TANC1: variants seen among roughly 807,000 people sequenced by gnomAD.
TANC1 encodes tetratricopeptide repeat, ankyrin repeat and coiled-coil containing 1.
Under a neutral mutation model 149.7 loss-of-function variants are expected in TANC1, and 77 were observed. The observed-to-expected ratio is 0.51, with a 90% CI of 0.43 to 0.62. The LOEUF (loss-of-function observed/expected upper bound fraction) is 0.62. TANC1 is among the 20% of genes least tolerant of loss of function. The probability of loss-of-function intolerance (pLI) is 0.00; values close to 1 mark genes in which losing one functional copy is unlikely to be tolerated. For synonymous variants in TANC1, 854 were observed against 925.0 expected, an observed-to-expected ratio of 0.92 and a Z score of 1.39; for missense variants, 1,985 against 2,321.8, an observed-to-expected ratio of 0.85 and a Z score of 2.98.
intron 2 of TANC1, among the ~76,000 whole-genome samples, chr2:159,061,648 T>C (rs1280711828): frequency 6.6e-6 from 1 of 152,216 alleles, no homozygotes; most frequent in Non-Finnish European, 1.5e-5. Flanking sequence ...AAACTTTGGT[T>C]GAATAAATTT....
rs544145015 is a variant in TANC1, at chr2:159,169,311, A to G, written c.1008A>G (p.Leu336=). 3 of 1,613,528 alleles carry G rather than the reference A, an allele frequency of 1.9e-6. No homozygotes were observed. The highest frequency in any genetic ancestry group is 1.7e-5 in the Admixed American group (1 of 60,018). ...TAGACGGGCAGAGAAATGCTCCTCT[A>G]CGGACGTCAATTAGATTACCATGGC... is the stretch of plus-strand genomic sequence containing the variant. ...SYLDGQRNAP[L]RTSIRLPWHN... Residue 336 remains leucine (L), a synonymous_variant, in exon 9 of 27, where the codon CTA becomes CTG. Coordinates refer to ENST00000263635, the MANE Select transcript of TANC1 (RefSeq NM_033394.3).
At chr2:159,169,518 G>A (rs2054958639) in intron 9 of TANC1, 146 bp downstream of exon 9, 1 of 782,824 alleles carries the variant, frequency 1.3e-6, no homozygotes, top group Non-Finnish European at 2.0e-6. Context: ...TGTGAGGTGT[G>A]CTAAGAGGTC....
At chr2:159,062,547 T>C (rs2042306604) in intron 2 of TANC1, among the ~76,000 whole-genome samples, 1 of 152,212 alleles carries the variant, frequency 6.6e-6, no homozygotes, top group African/African-American at 2.4e-5. Flanking sequence ...GCTGGCTGCC[T>C]ACACAGGTGG....
intron 3 of TANC1, among the ~76,000 whole-genome samples, chr2:159,071,055 G>A (rs2043115816): frequency 6.6e-6 from 1 of 152,122 alleles, no homozygotes; most frequent in Admixed American, 6.5e-5. Context: ...AGGTGGTCAA[G>A]GCCTCTTGCT....
Position 159,217,465 on chromosome 2 carries a change from A to T in TANC1, c.3245-32A>T, listed in dbSNP as rs370068360. On this transcript the variant is annotated intron_variant, in intron 19 of 26. Transcript: ENST00000263635. ...GGCTATCTGTGCTCCACCACATGCT[A>T]ACAGATTCCCCTCCATGTGACTTTC... The T allele has an allele frequency of 1.1e-5, 18 of 1,613,552 alleles. No homozygotes were observed. The African/African-American group carries it at 1.9e-4, about 17-fold the overall frequency.
intron 4 of TANC1, among the ~76,000 whole-genome samples, chr2:159,101,519 TTTTTTTTTTCATTGTTAGAAGA>T (rs2046706485): frequency 8.7e-6 from 1 of 114,516 alleles, no homozygotes; most frequent in Non-Finnish European, 1.7e-5. Flanking sequence ...ATTTATTTGG[TTTTTTTTTTCATTGTTAGAAGA>T]TTGTTTTCTG....
chr2:159,207,725 A>AAAAAAAAC (rs1559460731), intron 19 of TANC1, among the ~76,000 whole-genome samples: 3 of 133,974 alleles, frequency 2.2e-5, no homozygotes, highest in African/African-American at 6.5e-5. Context: ...AAAAAAAAAA[A>AAAAAAAAC]AACAACTCAG....
intron 1 of TANC1, among the ~76,000 whole-genome samples, chr2:158,995,684 C>T (rs572270225): frequency 1.3e-5 from 2 of 152,340 alleles, no homozygotes; most frequent in African/African-American, 4.8e-5. Flanking sequence ...TCCTCCCTGC[C>T]TCTATTTAAA....
chr2:159,012,974 A>G (rs78058603), intron 2 of TANC1, among the ~76,000 whole-genome samples: 2,795 of 152,248 alleles, frequency 0.018, 35 homozygotes, highest in Middle Eastern at 0.034. Context: ...GCCAGGGTAT[A>G]TAAATTCTGT....
intron 7 of TANC1, among the ~76,000 whole-genome samples, chr2:159,161,091 C>A (rs1205286679): frequency 6.6e-6 from 1 of 152,184 alleles, no homozygotes; most frequent in Non-Finnish European, 1.5e-5. Context: ...CCCAGCCATC[C>A]TCAGCTGCTC....
intron 4 of TANC1, among the ~76,000 whole-genome samples, chr2:159,123,910 A>G (rs986794617): frequency 6.6e-6 from 1 of 152,240 alleles, no homozygotes; most frequent in South Asian, 2.1e-4. Flanking sequence ...CCTCAGGTAC[A>G]GCTCAATCGC....
At chr2:159,111,510 T>C (rs1179551268) in intron 4 of TANC1, among the ~76,000 whole-genome samples, 2 of 152,240 alleles carry the variant, frequency 1.3e-5, no homozygotes, top group African/African-American at 4.8e-5. Flanking sequence ...CAGCCGTTGT[T>C]CTGCCATTTA....
rs562789123 is a variant in TANC1, at chr2:159,041,219, A to G, written c.-15-24677A>G. 3.3e-5 allele frequency among the ~76,000 whole-genome samples: 5 copies of G among 152,318 alleles called. No homozygotes were observed. In the East Asian group the frequency reaches 9.7e-4, roughly 29 times the overall value. ...TGGCCCCTACTGGGAGGTGTCTGCC[A>G]GTAAGGCTACATGGGGGTCAGGGAC... On this transcript the variant is annotated intron_variant, in intron 2 of 26. Transcript: ENST00000263635.
At chr2:159,012,235 A>G (rs755336076) in intron 2 of TANC1, among the ~76,000 whole-genome samples, 30 of 152,198 alleles carry the variant, frequency 2.0e-4, no homozygotes, top group Non-Finnish European at 2.8e-4. Flanking sequence ...AAAACAAACA[A>G]CAACAAAAAA....
chr2:159,081,424 G>A (rs968376611), intron 3 of TANC1, among the ~76,000 whole-genome samples: 8 of 151,906 alleles, frequency 5.3e-5, no homozygotes, highest in African/African-American at 1.9e-4. Flanking sequence ...CAAAGTAAAG[G>A]CTGGCTGTGG....
At chr2:159,110,255 A>G (rs264587) in intron 4 of TANC1, among the ~76,000 whole-genome samples, 49,522 of 152,050 alleles carry the variant, frequency 0.33, 8,776 homozygotes, top group East Asian at 0.63. Context: ...AGCGAAGGAT[A>G]TATGTATAGG....
chr2:159,064,918 C>T (rs138045550), intron 2 of TANC1, among the ~76,000 whole-genome samples: 3 of 152,258 alleles, frequency 2.0e-5, no homozygotes, highest in African/African-American at 7.2e-5. Context: ...TCCCCGTCCT[C>T]ATTCCTCCCC....
chr2:159,055,782 C>G (rs959211440), intron 2 of TANC1, among the ~76,000 whole-genome samples: 1 of 152,188 alleles, frequency 6.6e-6, no homozygotes, highest in African/African-American at 2.4e-5. Flanking sequence ...ACTGTGAACT[C>G]CTGATCATTG....
Position 159,021,248 on chromosome 2 carries a change from T to C in TANC1, c.-16+20059T>C, listed in dbSNP as rs150736954. Among the ~76,000 whole-genome samples the C allele has an allele frequency of 9.2e-5, 14 of 152,256 alleles. No individual in the cohort carries two copies. The East Asian group carries it at 2.3e-3, about 25-fold the overall frequency. On this transcript the variant is annotated intron_variant, in intron 2 of 26. Coordinates refer to ENST00000263635, the MANE Select transcript of TANC1 (RefSeq NM_033394.3). The stretch of plus-strand genomic sequence containing the variant: ...AATGGGTAGTTTACACATAATGATA[T>C]AGTAATCATCACATTCATCTCCTTG...
Sources: allele counts gnomAD v4.1 joint callset (sites outside exome capture counted in the v4.1 genomes callset), GRCh38; gene constraint gnomAD v4.1.1; transcripts MANE v1.5; gene names NCBI Gene and HGNC (gene_info 2026-07-23, HGNC 2026-07-21).